ZNF385D: variants seen among roughly 807,000 people sequenced by gnomAD.
ZNF385D encodes the protein zinc finger protein 659.
A neutral mutation model predicts 35.8 loss-of-function variants in ZNF385D; 15 were observed. The ratio of observed to expected loss-of-function variants is 0.42; its 90% CI spans 0.28 to 0.64. The LOEUF (loss-of-function observed/expected upper bound fraction) is 0.64. Among genes scored for constraint, ZNF385D ranks in the 30% least tolerant of loss-of-function variants. The probability of loss-of-function intolerance (pLI) is 0.23; values close to 1 mark genes in which losing one functional copy is unlikely to be tolerated. For synonymous variants in ZNF385D, 212 were observed against 186.8 expected (o/e 1.13, Z -1.10); for missense variants, 474 against 494.6 (o/e 0.96, Z 0.39).
chr3:21,909,175 A>T (rs1486415372), intron 3 of ZNF385D, among the ~76,000 whole-genome samples: 2 of 152,046 alleles, frequency 1.3e-5, no homozygotes, highest in Non-Finnish European at 2.9e-5. Context: ...GTGAGACATA[A>T]GTTCGTCCAA....
chr3:22,078,767 G>C (rs535351339), intron 3 of ZNF385D, among the ~76,000 whole-genome samples: 1 of 151,798 alleles, frequency 6.6e-6, no homozygotes, highest in Non-Finnish European at 1.5e-5. Flanking sequence ...ATTTGAAAAA[G>C]GACTTTGAAA....
chr3:21,510,883 G>C lies in ZNF385D; in HGVS notation c.417C>G (p.Ile139Met). Residue 139 changes from isoleucine (I) to methionine (M), a missense_variant, in exon 4 of 8, where the codon ATC (isoleucine) becomes ATG (methionine). Transcript: ENST00000281523. ...TTFTSITTNT[I>M]NTSSDKTDGT... ...AACCTGTTTTGTCAGAGCTGGTATT[G>C]ATGGTATTGGTAGTGATGGAGGTGA... is the stretch of plus-strand genomic sequence containing the variant. 1 of 1,614,112 alleles carries C rather than the reference G, an allele frequency of 6.2e-7. No homozygotes were observed. The highest frequency in any genetic ancestry group is 8.5e-7 in the Non-Finnish European group (1 of 1,179,974).
chr3:22,250,853 C>G (rs1427534380), intron 2 of ZNF385D, among the ~76,000 whole-genome samples: 2 of 152,036 alleles, frequency 1.3e-5, no homozygotes, highest in Admixed American at 6.6e-5. Context: ...CTAAATCCCT[C>G]TTGTCAAAAA....
At chr3:21,441,487 T>C (rs549969608) in intron 4 of ZNF385D, among the ~76,000 whole-genome samples, 3 of 152,330 alleles carry the variant, frequency 2.0e-5, no homozygotes, top group African/African-American at 7.2e-5. Flanking sequence ...TTTAATTTTT[T>C]ATAAAATAAT....
chr3:22,176,403 A>G (rs1694835560), intron 2 of ZNF385D, among the ~76,000 whole-genome samples: 2 of 152,240 alleles, frequency 1.3e-5, no homozygotes, highest in Non-Finnish European at 2.9e-5. Flanking sequence ...TTCAAAAATG[A>G]GAACATTTTA....
intron 3 of ZNF385D, among the ~76,000 whole-genome samples, chr3:21,817,606 A>T (rs564729425): frequency 0.014 from 2,061 of 152,314 alleles, 50 homozygotes; most frequent in African/African-American, 0.047. Flanking sequence ...AGAGAAATGC[A>T]AATCAAAGCC....
chr3:22,272,313 G>A (rs527659913), intron 2 of ZNF385D, among the ~76,000 whole-genome samples: 2 of 151,960 alleles, frequency 1.3e-5, no homozygotes, highest in Non-Finnish European at 2.9e-5. Flanking sequence ...TGTCTTTCCC[G>A]TTGAGATATT....
rs183227418 is a variant in ZNF385D, at chr3:21,929,747, A to C, written c.325+239070T>G. Among the ~76,000 whole-genome samples, 16 of 152,180 alleles carry C rather than the reference A, an allele frequency of 1.1e-4. No homozygotes were observed. The East Asian group carries it at 3.1e-3, about 29-fold the overall frequency. Reference sequence around the variant, plus strand: ...GAACACTGAGGAATAACTTTAACAAAAGAGGGGCAATATTTTTGTACTGAA... The same window carrying C: ...GAACACTGAGGAATAACTTTAACAACAGAGGGGCAATATTTTTGTACTGAA... On this transcript the variant is annotated intron_variant, in intron 3 of 5. Transcript: ENST00000494108.
intron 3 of ZNF385D, among the ~76,000 whole-genome samples, chr3:21,988,794 CAGACTGCTGTGCTAGCAATCAGCG>C (rs1694971023): frequency 6.6e-6 from 1 of 152,092 alleles, no homozygotes; most frequent in Admixed American, 6.5e-5. Flanking sequence ...AGTTTGATCT[CAGACTGCTGTGCTAGCAATCAGCG>C]AGACTCCGTG....
chr3:21,983,324 C>T (rs1240874546), intron 3 of ZNF385D, among the ~76,000 whole-genome samples: 1 of 127,372 alleles, frequency 7.9e-6, no homozygotes, highest in Non-Finnish European at 1.7e-5. Flanking sequence ...CTCCCCCCAC[C>T]ACACCACAGT....
At chr3:21,913,244 T>C (rs1700049495) in intron 3 of ZNF385D, among the ~76,000 whole-genome samples, 1 of 152,114 alleles carries the variant, frequency 6.6e-6, no homozygotes, top group Non-Finnish European at 1.5e-5. Flanking sequence ...CACCATGCAG[T>C]GCTGCAATGC....
chr3:21,648,292 G>A (rs146733498), intron 2 of ZNF385D, among the ~76,000 whole-genome samples: 53 of 152,258 alleles, frequency 3.5e-4, no homozygotes, highest in South Asian at 1.2e-3. Context: ...CTGCTGCCAT[G>A]TGAAGAAGAT....
At chr3:21,829,920 T>C (rs1313291277) in intron 3 of ZNF385D, among the ~76,000 whole-genome samples, 3 of 151,962 alleles carry the variant, frequency 2.0e-5, no homozygotes, top group African/African-American at 7.2e-5. Flanking sequence ...AGTCAGGAGT[T>C]CAAGAGCGGC....
At chr3:21,869,867 G>T (rs959781614) in intron 3 of ZNF385D, among the ~76,000 whole-genome samples, 1 of 151,948 alleles carries the variant, frequency 6.6e-6, no homozygotes, top group Non-Finnish European at 1.5e-5. Flanking sequence ...AGTAGGTGTG[G>T]TTCTCTTAAA....
intron 2 of ZNF385D, among the ~76,000 whole-genome samples, chr3:21,636,955 T>G (rs1275281319): frequency 1.3e-5 from 2 of 151,986 alleles, no homozygotes; most frequent in Admixed American, 1.3e-4. Flanking sequence ...TTGTTTTTTT[T>G]GTTGTTGTTG....
chr3:22,090,146 A>G (rs557787805), intron 3 of ZNF385D, among the ~76,000 whole-genome samples: 16 of 152,196 alleles, frequency 1.1e-4, no homozygotes, highest in African/African-American at 3.4e-4. Context: ...CTTGTAATTA[A>G]TAATTATTTA....
intron 3 of ZNF385D, among the ~76,000 whole-genome samples, chr3:22,122,207 T>G (rs1377111095): frequency 6.6e-6 from 1 of 152,184 alleles, no homozygotes; most frequent in African/African-American, 2.4e-5. Flanking sequence ...TTTTAGTTAA[T>G]AAGTTTACCT....
chr3:21,682,950 G>T (rs1309356624), intron 1 of ZNF385D, among the ~76,000 whole-genome samples: 2 of 149,866 alleles, frequency 1.3e-5, no homozygotes, highest in Non-Finnish European at 3.0e-5. Flanking sequence ...GGCTGACCCT[G>T]GTCCAGAGAG....
intron 3 of ZNF385D, among the ~76,000 whole-genome samples, chr3:22,070,465 G>A (rs145188326): frequency 1.3e-5 from 2 of 152,100 alleles, no homozygotes; most frequent in South Asian, 2.1e-4. Flanking sequence ...TATTTTATAA[G>A]AGAGAGTTGA....
Sources: allele counts gnomAD v4.1 joint callset (sites outside exome capture counted in the v4.1 genomes callset), GRCh38; gene constraint gnomAD v4.1.1; transcripts MANE v1.5; gene names NCBI Gene and HGNC (gene_info 2026-07-23, HGNC 2026-07-21).